ITGA6: variants seen among roughly 807,000 people sequenced by gnomAD.
The protein encoded by ITGA6 is integrin alpha-6.
A neutral mutation model predicts 133.6 loss-of-function variants in ITGA6; 63 were observed. That is an observed-to-expected ratio of 0.47 (90% CI 0.38 to 0.58). The LOEUF (loss-of-function observed/expected upper bound fraction) is 0.58. Among genes scored for constraint, ITGA6 ranks in the 20% least tolerant of loss-of-function variants. ITGA6 has a pLI of 0.00. For missense variants in ITGA6, 1,068 were observed against 1,309.4 expected, an observed-to-expected ratio of 0.82 and a Z score of 2.85; for synonymous variants, 434 against 482.0, an observed-to-expected ratio of 0.90 and a Z score of 1.30.
At chr2:172,430,070 A>G (rs1031275004) in intron 1 of ITGA6, among the ~76,000 whole-genome samples, 5 of 152,230 alleles carry the variant, frequency 3.3e-5, no homozygotes, top group African/African-American at 9.6e-5. Context: ...CTGGTGGGAG[A>G]GAGACCTAAG....
In ITGA6 at chr2:172,491,077, T is replaced by C; in HGVS notation, c.2733T>C (p.Asp911=). The C allele has an allele frequency of 6.3e-7, 1 of 1,593,544 alleles. No homozygotes were observed. Among genetic ancestry groups the C allele is most frequent in the Non-Finnish European group, 8.6e-7 (1 of 1,161,396 alleles). The change falls in exon 21 of 26, where the codon GAT becomes GAC. Residue 911 remains aspartate, a synonymous_variant. Coordinates refer to ENST00000684293, the MANE Select transcript of ITGA6 (RefSeq NM_000210.4). This position sits in a 1 kb window ranked among gnomAD's most constrained non-coding sequence, Gnocchi z 4.4. The part of the protein sequence containing the change: ...KREITEKQID[D]NRKFSLFAER... ...AAATTACTGAAAAACAGATAGATGATAACAGAAAATTTTCTTTATTTGCTG... is the reference window on the plus strand; with the variant it reads ...AAATTACTGAAAAACAGATAGATGACAACAGAAAATTTTCTTTATTTGCTG...
At chr2:172,477,896 C>T (rs1686247752) in intron 9 of ITGA6, among the ~76,000 whole-genome samples, 1 of 152,148 alleles carries the variant, frequency 6.6e-6, no homozygotes, top group African/African-American at 2.4e-5. Flanking sequence ...ACTAGCACTT[C>T]AGGGTAGTTA....
intron 11 of ITGA6, among the ~76,000 whole-genome samples, chr2:172,481,461 A>C (rs1043471026): frequency 6.6e-6 from 1 of 152,248 alleles, no homozygotes; most frequent in Admixed American, 6.5e-5. Flanking sequence ...AAGACAACAG[A>C]ATGAAGATAC....
rs2149112775 is a variant in ITGA6 at position 172,505,850 on chromosome 2, C to CA, written c.*1783dup. 6.6e-6 allele frequency: 1 copy of CA among 152,566 alleles called. No homozygotes were observed. Among genetic ancestry groups the CA allele is most frequent in the African/African-American group, 2.4e-5 (1 of 41,516 alleles). The allele number at this position is 152,566 out of a possible 1,614,324, so 9.5% of individuals were successfully genotyped here. ...AAAATTTCTGTAAAACAGGTTATAA[C>CA]AGTGTTTAAAGTCTCAGTTTCTTGC... On this transcript the variant is annotated 3_prime_UTR_variant, in exon 26 of 26. Coordinates refer to ENST00000684293, the MANE Select transcript of ITGA6 (RefSeq NM_000210.4).
chr2:172,432,264 C>T (rs770611913), intron 1 of ITGA6, among the ~76,000 whole-genome samples: 1 of 152,218 alleles, frequency 6.6e-6, no homozygotes, highest in Non-Finnish European at 1.5e-5. Flanking sequence ...TACACTAAAG[C>T]AATGTCTTTA....
chr2:172,458,153 T>C (rs1290256532), intron 1 of ITGA6, among the ~76,000 whole-genome samples: 2 of 151,884 alleles, frequency 1.3e-5, no homozygotes, highest in African/African-American at 2.4e-5. Flanking sequence ...ACCAAACCCA[T>C]AGCACTTTCT....
chr2:172,491,119 TC>T lies in ITGA6; in HGVS notation c.2776del (p.Asn927ThrfsTer4), dbSNP rs1686906277. 2 of 1,490,670 alleles carry T rather than the reference TC, an allele frequency of 1.3e-6. No homozygotes were observed. Among genetic ancestry groups the T allele is most frequent in the African/African-American group, 2.8e-5 (2 of 72,510 alleles). 92.3% of individuals were successfully genotyped at this position (1,490,670 alleles called of 1,614,324 possible). On this transcript the variant is annotated frameshift_variant and splice_region_variant, in exon 21 of 26. Transcript: ENST00000684293. LOFTEE classifies it high-confidence loss of function. The surrounding 1 kb of genome is among the most constrained non-coding windows in gnomAD (Gnocchi z 4.4). ...SLFAERKYQTLNCSVNVNCVN... is the reference protein window; with the variant it reads ...SLFAERKYQTXNCSVNVNCVN... ...TATTTGCTGAAAGAAAATACCAGAC[TC>T]TTGTAAGTATTTTTCAAGAGCTGTG...
chr2:172,497,015 C>T (rs1443859608), intron 23 of ITGA6, among the ~76,000 whole-genome samples: 1 of 152,116 alleles, frequency 6.6e-6, no homozygotes, highest in Non-Finnish European at 1.5e-5. Flanking sequence ...GAAGATGGCA[C>T]CAAGCCATTT....
chr2:172,441,561 A>T (rs1360612414), intron 1 of ITGA6, among the ~76,000 whole-genome samples: 8 of 33,556 alleles, frequency 2.4e-4, no homozygotes, highest in African/African-American at 8.0e-4. Context: ...TGTCTCTTTA[A>T]AAAAAAAAAA....
intron 5 of ITGA6, among the ~76,000 whole-genome samples, chr2:172,471,312 C>T (rs1685925045): frequency 6.6e-6 from 1 of 152,122 alleles, no homozygotes; most frequent in Non-Finnish European, 1.5e-5. Context: ...ACTGGGGCTC[C>T]CTCAAAGGGG....
At chr2:172,489,969 A>C in intron 20 of ITGA6, 1 of 304,134 alleles carries the variant, frequency 3.3e-6, no homozygotes, top group Non-Finnish European at 6.2e-6. Flanking sequence ...CTGGGGTAAT[A>C]GTAGCTGCTG....
intron 1 of ITGA6, among the ~76,000 whole-genome samples, chr2:172,438,139 G>GT (rs1359809496): frequency 6.6e-6 from 1 of 151,582 alleles, no homozygotes; most frequent in Admixed American, 6.6e-5. Context: ...TTTTTGTTTC[G>GT]TTTTGTTTAA....
In ITGA6 at chr2:172,491,211, T is replaced by G; in HGVS notation, c.2779-10T>G. 6.3e-7 allele frequency: 1 copy of G among 1,582,452 alleles called. No individual in the cohort carries two copies. Among genetic ancestry groups the G allele is most frequent in the East Asian group, 2.2e-5 (1 of 44,744 alleles). ...TGTCTTTTGATGACCATTCTTCTTTTTCTCTCTAGAACTGTAGCGTGAACG... is the reference window on the plus strand; with the variant it reads ...TGTCTTTTGATGACCATTCTTCTTTGTCTCTCTAGAACTGTAGCGTGAACG... On this transcript the variant is annotated splice_polypyrimidine_tract_variant and intron_variant, in intron 21 of 25. Transcript: ENST00000684293. The surrounding 1 kb of genome is among the most constrained non-coding windows in gnomAD (Gnocchi z 4.4).
chr2:172,455,754 C>T (rs1274040507), intron 1 of ITGA6, among the ~76,000 whole-genome samples: 1 of 152,186 alleles, frequency 6.6e-6, no homozygotes, highest in Non-Finnish European at 1.5e-5. Flanking sequence ...GTACAGAGTT[C>T]TCAGATGTCT....
intron 1 of ITGA6, among the ~76,000 whole-genome samples, chr2:172,439,057 T>C (rs890860237): frequency 6.6e-6 from 1 of 151,902 alleles, no homozygotes; most frequent in African/African-American, 2.4e-5. Context: ...GCTCTTCCCA[T>C]GTGGGTCTGC....
intron 1 of ITGA6, among the ~76,000 whole-genome samples, chr2:172,459,272 G>A (rs902115187): frequency 6.6e-6 from 1 of 152,182 alleles, no homozygotes; most frequent in East Asian, 1.9e-4. Context: ...GGGGCCTCAA[G>A]GTAGGCGGAT....
intron 23 of ITGA6, among the ~76,000 whole-genome samples, chr2:172,497,625 A>T (rs1221828726): frequency 6.6e-6 from 1 of 152,196 alleles, no homozygotes; most frequent in Non-Finnish European, 1.5e-5. Context: ...TTAGATACAC[A>T]GACTGGCTGT....
At position 172,504,231 on chromosome 2, in the gene ITGA6, C is replaced by A; in HGVS notation, c.*163C>A. ...AAAAACAGTGGATCACAAAGTGGAA[C>A]GAAAATGAAAGCTACTCATAGCGGG... On this transcript the variant is annotated 3_prime_UTR_variant, in exon 26 of 26. Transcript: ENST00000684293. 6.4e-7 allele frequency: 1 copy of A among 1,567,588 alleles called. No individual in the cohort carries two copies.
chr2:172,463,927 C>G (rs1273888095), intron 1 of ITGA6, among the ~76,000 whole-genome samples: 2 of 152,230 alleles, frequency 1.3e-5, no homozygotes, highest in African/African-American at 2.4e-5. Flanking sequence ...CTGTGGGGAC[C>G]CTTGTGGCCC....
Sources: allele counts gnomAD v4.1 joint callset (sites outside exome capture counted in the v4.1 genomes callset), GRCh38; gene constraint gnomAD v4.1.1; non-coding constraint Gnocchi (gnomAD v3.1); transcripts MANE v1.5; gene names NCBI Gene and HGNC (gene_info 2026-07-23, HGNC 2026-07-21).